RAPGEF4: variants seen among roughly 807,000 people sequenced by gnomAD.
RAPGEF4 encodes Rap guanine nucleotide exchange factor 4.
Under a neutral mutation model 147.9 loss-of-function variants are expected in RAPGEF4, and 66 were observed. The ratio of observed to expected loss-of-function variants is 0.45; its 90% CI spans 0.37 to 0.55. The LOEUF is 0.55. Ranked by LOEUF, RAPGEF4 falls within the 20% of genes least tolerant of loss-of-function variation. The pLI, the probability that RAPGEF4 is intolerant of heterozygous loss-of-function variation, is 0.00. For synonymous variants in RAPGEF4, 419 were observed against 442.7 expected (o/e 0.95, Z 0.67); for missense variants, 1,071 against 1,257.3 (o/e 0.85, Z 2.24).
chr2:173,022,238 C>T (rs137954807), intron 23 of RAPGEF4, among the ~76,000 whole-genome samples: 50 of 152,344 alleles, frequency 3.3e-4, no homozygotes, highest in African/African-American at 1.1e-3. Flanking sequence ...AGACTGTCTT[C>T]AGCTCCCTGT....
intron 1 of RAPGEF4, among the ~76,000 whole-genome samples, chr2:172,764,081 TG>T (rs1249309826): frequency 6.6e-6 from 1 of 151,928 alleles, no homozygotes; most frequent in African/African-American, 2.4e-5. Context: ...GGGAGACTCT[TG>T]TCTCTACAAA....
intron 4 of RAPGEF4, among the ~76,000 whole-genome samples, chr2:172,885,154 G>A (rs1375598194): frequency 6.6e-6 from 1 of 152,208 alleles, no homozygotes; most frequent in African/African-American, 2.4e-5. Flanking sequence ...TGACCATGAG[G>A]GCTGAATGCC....
At chr2:172,876,626 T>C (rs1695960258) in intron 4 of RAPGEF4, among the ~76,000 whole-genome samples, 1 of 152,208 alleles carries the variant, frequency 6.6e-6, no homozygotes, top group Non-Finnish European at 1.5e-5. Flanking sequence ...ATAAGCTTTT[T>C]GATGTGCTGC....
intron 30 of RAPGEF4, among the ~76,000 whole-genome samples, chr2:173,049,183 G>T (rs1316663823): frequency 1.3e-5 from 2 of 152,144 alleles, no homozygotes; most frequent in African/African-American, 4.8e-5. Flanking sequence ...AATTTGAGGT[G>T]CTCTTTTAAA....
At chr2:173,024,464 G>C (rs1274754627) in intron 23 of RAPGEF4, among the ~76,000 whole-genome samples, 1 of 140,446 alleles carries the variant, frequency 7.1e-6, no homozygotes. Flanking sequence ...TGATCCGCCC[G>C]CCTCGGCCTC....
chr2:172,970,179 A>AC (rs1441096627), intron 10 of RAPGEF4, among the ~76,000 whole-genome samples: 13 of 117,862 alleles, frequency 1.1e-4, no homozygotes, highest in African/African-American at 3.7e-4. Context: ...ACACACACAC[A>AC]CCCTTTTTTT....
chr2:172,876,637 T>A (rs1695960903), intron 4 of RAPGEF4, among the ~76,000 whole-genome samples: 2 of 152,226 alleles, frequency 1.3e-5, no homozygotes. Context: ...GATGTGCTGC[T>A]GGATTCGGTT....
At chr2:172,878,960 G>C (rs1696288144) in intron 4 of RAPGEF4, among the ~76,000 whole-genome samples, 1 of 152,098 alleles carries the variant, frequency 6.6e-6, no homozygotes, top group Non-Finnish European at 1.5e-5. Context: ...TCTGCAGGTG[G>C]GGCTGCAAAT....
At chr2:172,866,392 T>C (rs1453692805) in intron 4 of RAPGEF4, among the ~76,000 whole-genome samples, 1 of 152,098 alleles carries the variant, frequency 6.6e-6, no homozygotes, top group Non-Finnish European at 1.5e-5. Flanking sequence ...GTGGATTCCT[T>C]TCCCTTCTTG....
intron 1 of RAPGEF4, among the ~76,000 whole-genome samples, chr2:172,737,485 G>T (rs1693905459): frequency 6.6e-6 from 1 of 152,074 alleles, no homozygotes; most frequent in Non-Finnish European, 1.5e-5. Context: ...GTGTAGAAAT[G>T]CATGGCATGG....
chr2:172,930,528 C>T (rs1266983576), intron 6 of RAPGEF4, among the ~76,000 whole-genome samples: 1 of 152,146 alleles, frequency 6.6e-6, no homozygotes, highest in Non-Finnish European at 1.5e-5. Context: ...TTGTTTGCCC[C>T]CCTCTTTTGA....
chr2:172,811,023 G>A (rs1420926425), intron 3 of RAPGEF4, among the ~76,000 whole-genome samples: 2 of 152,234 alleles, frequency 1.3e-5, no homozygotes, highest in East Asian at 3.8e-4. Context: ...GTTCTAGTAA[G>A]AGCATTTCCA....
In RAPGEF4 at chr2:173,052,868, C is replaced by T. The variant is rs1376803632; in HGVS notation, c.*1101C>T. ...TTCTGTAAATAACATCTAGTATCTT[C>T]ACTAAATATAATTGTCGACAAGAAA... On this transcript the variant is annotated 3_prime_UTR_variant, in exon 31 of 31. Coordinates refer to ENST00000397081, the MANE Select transcript of RAPGEF4 (RefSeq NM_007023.4). 1 of 152,140 alleles carries T rather than the reference C, an allele frequency of 6.6e-6. No homozygotes were observed. The highest frequency in any genetic ancestry group is 1.5e-5 in the Non-Finnish European group (1 of 68,026). The allele number at this position is 152,140 out of a possible 1,614,324, so 9.4% of individuals were successfully genotyped here. A position where few individuals can be genotyped will look rare whatever the true frequency, so the allele number is the denominator to read the frequency against.
chr2:172,782,348 TTC>T (rs1389415279), intron 1 of RAPGEF4, among the ~76,000 whole-genome samples: 1 of 152,134 alleles, frequency 6.6e-6, no homozygotes, highest in Non-Finnish European at 1.5e-5. Flanking sequence ...CCAGGTAAAG[TTC>T]TTAGTCGCTT....
At chr2:172,766,736 G>A (rs1184156707) in intron 1 of RAPGEF4, among the ~76,000 whole-genome samples, 1 of 152,100 alleles carries the variant, frequency 6.6e-6, no homozygotes, top group Non-Finnish European at 1.5e-5. Context: ...CTATAGATTA[G>A]CTTGCATTTT....
intron 1 of RAPGEF4, among the ~76,000 whole-genome samples, chr2:172,793,989 G>A (rs962188457): frequency 8.6e-5 from 13 of 152,002 alleles, no homozygotes; most frequent in African/African-American, 2.7e-4. Flanking sequence ...TTAGCTGGAC[G>A]TGGTGGAGTG....
At chr2:173,051,504 A>G in intron 30 of RAPGEF4, 136 bp from the exon 31 acceptor site, 2 of 792,910 alleles carry the variant, frequency 2.5e-6, no homozygotes, top group Non-Finnish European at 3.6e-6. Flanking sequence ...AAACGTTTCA[A>G]TGATTGTGGT....
chr2:172,937,532 A>G (rs1328687598), intron 6 of RAPGEF4, among the ~76,000 whole-genome samples: 1 of 152,166 alleles, frequency 6.6e-6, no homozygotes. Context: ...AATATATACT[A>G]TTAGTATGAC....
intron 29 of RAPGEF4, among the ~76,000 whole-genome samples, chr2:173,046,713 A>C (rs927765114): frequency 6.6e-6 from 1 of 152,194 alleles, no homozygotes; most frequent in Non-Finnish European, 1.5e-5. Flanking sequence ...GATTTGTGAT[A>C]TGTTTCTCAT....
Sources: allele counts gnomAD v4.1 joint callset (sites outside exome capture counted in the v4.1 genomes callset), GRCh38; gene constraint gnomAD v4.1.1; transcripts MANE v1.5; gene names NCBI Gene and HGNC (gene_info 2026-07-23, HGNC 2026-07-21).